The following RAP1GDS1 variants were observed in gnomAD, a reference collection of about 807,000 sequenced individuals.
The protein encoded by RAP1GDS1 is Rap1 GTPase-GDP dissociation stimulator 1.
Under a neutral mutation model 71.1 loss-of-function variants are expected in RAP1GDS1, and 35 were observed. That is an observed-to-expected ratio of 0.49 (90% CI 0.38 to 0.65). The LOEUF (loss-of-function observed/expected upper bound fraction) is 0.65, where lower values mean the gene tolerates loss of function less well. Ranked by LOEUF, RAP1GDS1 falls within the 30% of genes least tolerant of loss-of-function variation. The pLI is 0.00. For synonymous variants in RAP1GDS1, 229 were observed against 243.1 expected, an observed-to-expected ratio of 0.94 and a Z score of 0.54; for missense variants, 663 against 706.1, an observed-to-expected ratio of 0.94 and a Z score of 0.69.
At chr4:98,370,624 C>T (rs1160837416) in intron 4 of RAP1GDS1, among the ~76,000 whole-genome samples, 4 of 150,474 alleles carry the variant, frequency 2.7e-5, no homozygotes, top group African/African-American at 9.8e-5. Context: ...AGTGCAGTGG[C>T]GCGATCTCTG....
At chr4:98,331,241 C>T (rs1031108460) in intron 2 of RAP1GDS1, among the ~76,000 whole-genome samples, 30 of 151,988 alleles carry the variant, frequency 2.0e-4, no homozygotes, top group Admixed American at 1.4e-3. Context: ...GCCGAGATCA[C>T]GGCAGTACAG....
Position 98,308,252 on chromosome 4 carries a change from GTATA to G in RAP1GDS1, c.112+14742_112+14745del, listed in dbSNP as rs200869864. 1.9e-3 allele frequency among the ~76,000 whole-genome samples: 203 copies of G among 106,456 alleles called. 5 individuals are homozygous for G. In the East Asian group the frequency reaches 0.054, roughly 28 times the overall value. 69.8% of individuals were successfully genotyped at this position (106,456 alleles called of 152,430 possible). A position where few individuals can be genotyped will look rare whatever the true frequency, so the allele number is the denominator to read the frequency against. Reference sequence around the variant, plus strand: ...TATGTGCATATATGTGTATATACATGTATATATACACACACACCCACACACATAT... The same window carrying G: ...TATGTGCATATATGTGTATATACATGTATACACACACACCCACACACATAT... On this transcript the variant is annotated intron_variant, in intron 2 of 14. Transcript: ENST00000408927.
chr4:98,310,956 GCTT>G (rs33971084), intron 2 of RAP1GDS1, among the ~76,000 whole-genome samples: 6,337 of 152,122 alleles, frequency 0.042, 307 homozygotes, highest in African/African-American at 0.12. Context: ...TCACACAAAT[GCTT>G]CTCAAATTTT....
At chr4:98,315,664 G>A (rs1730833932) in intron 2 of RAP1GDS1, among the ~76,000 whole-genome samples, 1 of 151,914 alleles carries the variant, frequency 6.6e-6, no homozygotes, top group African/African-American at 2.4e-5. Flanking sequence ...AGGGTCAAGA[G>A]GTGAAAAGTG....
intron 13 of RAP1GDS1, 151 bp downstream of exon 13, chr4:98,434,213 A>G: frequency 1.0e-6 from 1 of 979,866 alleles, no homozygotes; most frequent in Non-Finnish European, 1.5e-6. Context: ...ATCATTCTAT[A>G]TAGATTGTTA....
intron 2 of RAP1GDS1, among the ~76,000 whole-genome samples, chr4:98,328,089 G>A (rs1395732783): frequency 6.6e-6 from 1 of 152,162 alleles, no homozygotes; most frequent in African/African-American, 2.4e-5. Flanking sequence ...AGAGAATTTG[G>A]TGAGACCTAT....
chr4:98,264,807 G>A (rs949235011), intron 1 of RAP1GDS1, among the ~76,000 whole-genome samples: 1 of 152,208 alleles, frequency 6.6e-6, no homozygotes, highest in African/African-American at 2.4e-5. Flanking sequence ...TCAGAATGGA[G>A]TTGGTCTGGG....
chr4:98,371,820 C>T (rs916131299), intron 4 of RAP1GDS1, among the ~76,000 whole-genome samples: 7 of 152,138 alleles, frequency 4.6e-5, no homozygotes, highest in African/African-American at 1.7e-4. Context: ...TTCCTTTGAT[C>T]AGTGTTTGCA....
Position 98,440,788 on chromosome 4 carries a change from G to T in RAP1GDS1, c.1697-1202G>T, listed in dbSNP as rs141591084. 2.7e-3 allele frequency among the ~76,000 whole-genome samples: 405 copies of T among 152,234 alleles called. 2 individuals carry two copies. Among genetic ancestry groups the T allele is most frequent in the African/African-American group, 9.3e-3 (386 of 41,540 alleles). On this transcript the variant is annotated intron_variant, in intron 14 of 14. Transcript: ENST00000408927. ...GCTGCAGTGCAATGGTGCAATCTCGGCTCACCGTAACTTCCACCTCCCAGG... is the reference window on the plus strand; with the variant it reads ...GCTGCAGTGCAATGGTGCAATCTCGTCTCACCGTAACTTCCACCTCCCAGG...
intron 6 of RAP1GDS1, among the ~76,000 whole-genome samples, chr4:98,403,808 A>G (rs1207477971): frequency 1.3e-5 from 2 of 152,126 alleles, no homozygotes; most frequent in African/African-American, 2.4e-5. Flanking sequence ...CAGGTAGGCC[A>G]AAACTAGTAG....
intron 4 of RAP1GDS1, among the ~76,000 whole-genome samples, chr4:98,371,828 G>C (rs1402861399): frequency 6.6e-6 from 1 of 152,062 alleles, no homozygotes; most frequent in Non-Finnish European, 1.5e-5. Context: ...ATCAGTGTTT[G>C]CATGGTATAT....
At chr4:98,311,905 T>C (rs978373503) in intron 2 of RAP1GDS1, among the ~76,000 whole-genome samples, 3 of 152,088 alleles carry the variant, frequency 2.0e-5, no homozygotes, top group African/African-American at 7.2e-5. Context: ...TCCCAAACCG[T>C]AGGGTTAGCA....
chr4:98,408,124 C>T lies in RAP1GDS1; in HGVS notation c.763+3522C>T, dbSNP rs556988359. ...TATATATTTTTTTTTTTCCCTCCCC[C>T]GCAAGATGGAGTCTCACTCTGTCAC... On this transcript the variant is annotated intron_variant, in intron 7 of 14. Transcript: ENST00000408927. Among the ~76,000 whole-genome samples the T allele has an allele frequency of 1.5e-4, 22 of 151,208 alleles. No homozygotes were observed. In the South Asian group the frequency reaches 2.3e-3, roughly 16 times the overall value.
At chr4:98,269,018 C>T (rs1723072583) in intron 1 of RAP1GDS1, among the ~76,000 whole-genome samples, 1 of 151,844 alleles carries the variant, frequency 6.6e-6, no homozygotes, top group African/African-American at 2.4e-5. Flanking sequence ...GCAAGAAGAA[C>T]AAGGCCAGGG....
chr4:98,326,638 C>A (rs1430647168), intron 2 of RAP1GDS1, among the ~76,000 whole-genome samples: 2 of 152,006 alleles, frequency 1.3e-5, no homozygotes, highest in Non-Finnish European at 2.9e-5. Context: ...TGCTTAAATT[C>A]TTTCCCTCCT....
rs950577121 is a variant in RAP1GDS1, at chr4:98,273,783, GT to G, written c.4+12222del. Among the ~76,000 whole-genome samples, 767 of 151,658 alleles carry G rather than the reference GT, an allele frequency of 5.1e-3. 7 individuals are homozygous for G. The highest frequency in any genetic ancestry group is 0.018 in the South Asian group (85 of 4,784). On this transcript the variant is annotated intron_variant, in intron 1 of 14. Transcript: ENST00000408927. ...TTGGCAAAAAGCATTGTTTTGTTTT[GT>G]TTTTTTTCCCAAGACTTTTCTTGAT...
At chr4:98,352,694 C>A in intron 4 of RAP1GDS1, 93 bp downstream of exon 4, 1 of 1,352,900 alleles carries the variant, frequency 7.4e-7, no homozygotes, top group African/African-American at 1.5e-5. Context: ...CTTTTCTAGG[C>A]TAAAACACTA....
chr4:98,396,440 A>G (rs1299246903), intron 6 of RAP1GDS1: 2 of 152,178 alleles, frequency 1.3e-5, no homozygotes, highest in African/African-American at 2.4e-5. Flanking sequence ...ACAGTTTGAT[A>G]CAAGTTGCTG....
At chr4:98,377,518 A>G (rs934576037) in intron 4 of RAP1GDS1, among the ~76,000 whole-genome samples, 3 of 151,850 alleles carry the variant, frequency 2.0e-5, no homozygotes, top group Non-Finnish European at 2.9e-5. Context: ...CATCTTTATA[A>G]CAATACAGTA....
Sources: gnomAD v4.1 joint callset for allele counts (sites outside exome capture counted in the v4.1 genomes callset) on GRCh38, gnomAD v4.1.1 for gene constraint, MANE v1.5 for transcripts, NCBI Gene and HGNC (gene_info 2026-07-23, HGNC 2026-07-21) for gene names.